Variants in NCOA3 observed in about 807,000 individuals in gnomAD.
NCOA3 encodes nuclear receptor coactivator 3, also known as CBP-interacting protein.
Under a neutral mutation model 158.8 loss-of-function variants are expected in NCOA3, and 51 were observed. The observed-to-expected ratio is 0.32, with a 90% CI of 0.26 to 0.41. The LOEUF (loss-of-function observed/expected upper bound fraction) is 0.41, where lower values mean the gene tolerates loss of function less well. Among genes scored for constraint, NCOA3 ranks in the 10% least tolerant of loss-of-function variants. NCOA3 has a pLI of 1.00. For missense variants in NCOA3, 1,510 were observed against 1,746.6 expected (o/e 0.86, Z 2.41); for synonymous variants, 537 against 592.4 (o/e 0.91, Z 1.36).
chr20:47,507,029 C>T (rs1276087078), intron 1 of NCOA3, among the ~76,000 whole-genome samples: 1 of 152,150 alleles, frequency 6.6e-6, no homozygotes, highest in Non-Finnish European at 1.5e-5. Flanking sequence ...AATCTGCTTC[C>T]TGGGGCTTTG....
At chr20:47,512,027 A>T (rs2084150292) in intron 1 of NCOA3, among the ~76,000 whole-genome samples, 2 of 152,162 alleles carry the variant, frequency 1.3e-5, no homozygotes, top group African/African-American at 4.8e-5. Flanking sequence ...AAATTAAAAA[A>T]AATCAGGCTG....
intron 2 of NCOA3, among the ~76,000 whole-genome samples, chr20:47,604,876 A>AT (rs1166812490): frequency 2.0e-5 from 3 of 151,660 alleles, no homozygotes; most frequent in Admixed American, 1.3e-4. Context: ...ATTTTTATTT[A>AT]TTTTTTTTGA....
At chr20:47,641,888 G>A (rs2086617737) in intron 16 of NCOA3, among the ~76,000 whole-genome samples, 1 of 151,980 alleles carries the variant, frequency 6.6e-6, no homozygotes, top group African/African-American at 2.4e-5. Context: ...TTTGTGAGGA[G>A]TATCTTCTCC....
intron 2 of NCOA3, among the ~76,000 whole-genome samples, chr20:47,587,464 C>T (rs993098113): frequency 2.6e-5 from 4 of 152,208 alleles, no homozygotes; most frequent in African/African-American, 9.7e-5. Flanking sequence ...CTCATACAGT[C>T]ATCCCTTCGT....
rs1444998180 is a variant in NCOA3, at chr20:47,565,133, C to T, written c.-98-18050C>T. 2.6e-5 allele frequency among the ~76,000 whole-genome samples: 4 copies of T among 152,144 alleles called. No homozygotes were observed. The East Asian group carries it at 5.8e-4, about 22-fold the overall frequency. ...AGTAGCTGGGATTACAGGCATGTGCCACCATGCCTGGCTAATTTTGTATTT... is the reference window on the plus strand; with the variant it reads ...AGTAGCTGGGATTACAGGCATGTGCTACCATGCCTGGCTAATTTTGTATTT... On this transcript the variant is annotated intron_variant, in intron 1 of 22. Transcript: ENST00000371998.
intron 1 of NCOA3, among the ~76,000 whole-genome samples, chr20:47,521,772 T>C (rs1297618378): frequency 6.6e-6 from 1 of 152,218 alleles, no homozygotes; most frequent in Non-Finnish European, 1.5e-5. Flanking sequence ...TTAGAACTCA[T>C]ATCCAACACT....
intron 2 of NCOA3, among the ~76,000 whole-genome samples, chr20:47,583,995 T>C (rs1252203692): frequency 6.6e-6 from 1 of 152,030 alleles, no homozygotes; most frequent in Non-Finnish European, 1.5e-5. Flanking sequence ...GAGAAAATTT[T>C]AAGGAGGCTG....
At chr20:47,561,647 G>A (rs6018545) in intron 1 of NCOA3, among the ~76,000 whole-genome samples, 3 of 152,060 alleles carry the variant, frequency 2.0e-5, no homozygotes, top group African/African-American at 7.2e-5. Flanking sequence ...AGCAGTTTAA[G>A]GTTATAGGAA....
intron 1 of NCOA3, among the ~76,000 whole-genome samples, chr20:47,578,555 T>C (rs2085406825): frequency 6.6e-6 from 1 of 152,252 alleles, no homozygotes; most frequent in African/African-American, 2.4e-5. Context: ...TCATTATAGC[T>C]ACAGATTAGC....
In NCOA3 at chr20:47,600,110, TTGTG is replaced by T. The variant is rs11472351; in HGVS notation, c.-20+16881_-20+16884del. Among the ~76,000 whole-genome samples the T allele has an allele frequency of 8.9e-3, 1,274 of 143,056 alleles. 5 individuals carry two copies. Among genetic ancestry groups the T allele is most frequent in the Non-Finnish European group, 0.012 (816 of 65,814 alleles). The allele number at this position is 143,056 out of a possible 152,430, so 93.9% of individuals were successfully genotyped here. Reference sequence around the variant, plus strand: ...CTGATGGCTAATTCTCTCACTTCCTTTGTGTGTGTGTGTGTGTGTGTGTGTGTGT... The same window carrying T: ...CTGATGGCTAATTCTCTCACTTCCTTTGTGTGTGTGTGTGTGTGTGTGTGT... On this transcript the variant is annotated intron_variant, in intron 2 of 22. Coordinates refer to ENST00000371998, the MANE Select transcript of NCOA3 (RefSeq NM_181659.3).
intron 19 of NCOA3, 52 bp from the exon 20 acceptor site, chr20:47,650,930 A>C: frequency 6.5e-7 from 1 of 1,542,746 alleles, no homozygotes; most frequent in Non-Finnish European, 8.9e-7. Flanking sequence ...TATGTATGCA[A>C]CTGGCAGGTT....
At chr20:47,519,147 A>ATGATATTTTTAGTTTTG in intron 1 of NCOA3, among the ~76,000 whole-genome samples, 1 of 147,694 alleles carries the variant, frequency 6.8e-6, no homozygotes, top group Non-Finnish European at 1.5e-5. Context: ...AAAAAAAAAA[A>ATGATATTTTTAGTTTTG]GAAAAAGCCA....
At chr20:47,637,531 T>C (rs2086535193) in intron 12 of NCOA3, 117 bp from the exon 13 acceptor site, 2 of 741,800 alleles carry the variant, frequency 2.7e-6, no homozygotes, top group African/African-American at 3.6e-5. Flanking sequence ...ATTATCATTG[T>C]AGGTAGTTTT....
At chr20:47,545,829 C>A (rs1331148568) in intron 1 of NCOA3, among the ~76,000 whole-genome samples, 3 of 152,004 alleles carry the variant, frequency 2.0e-5, no homozygotes, top group African/African-American at 7.2e-5. Context: ...ATCCTCCTGC[C>A]TCAGCATCCT....
chr20:47,572,125 A>T (rs1963361558), intron 1 of NCOA3, among the ~76,000 whole-genome samples: 1 of 152,124 alleles, frequency 6.6e-6, no homozygotes, highest in African/African-American at 2.4e-5. Context: ...CTCAGCCCTC[A>T]TAGAATTGAA....
At chr20:47,532,110 TTGTGTGTG>T (rs11474538) in intron 1 of NCOA3, among the ~76,000 whole-genome samples, 2 of 147,402 alleles carry the variant, frequency 1.4e-5, no homozygotes, top group East Asian at 2.0e-4. Context: ...AGGGGGGGAC[TTGTGTGTG>T]TGTGTGTGTG....
rs1347013892 is a variant in NCOA3, at chr20:47,656,853, A to G, written c.*3436A>G. Reference sequence around the variant, plus strand: ...CTGACCATTTTGGATGTCATTGTAAATAAAGGTTTCTATTTAAAATTGGAG... The same window carrying G: ...CTGACCATTTTGGATGTCATTGTAAGTAAAGGTTTCTATTTAAAATTGGAG... On this transcript the variant is annotated 3_prime_UTR_variant, in exon 23 of 23. Coordinates refer to ENST00000371998, the MANE Select transcript of NCOA3 (RefSeq NM_181659.3). 6.7e-6 allele frequency: 1 copy of G among 150,182 alleles called. No individual in the cohort carries two copies. Among genetic ancestry groups the G allele is most frequent in the African/African-American group, 2.5e-5 (1 of 39,968 alleles). 9.3% of individuals were successfully genotyped at this position (150,182 alleles called of 1,614,324 possible).
chr20:47,580,945 A>T (rs1367263407), intron 1 of NCOA3, among the ~76,000 whole-genome samples: 1 of 152,102 alleles, frequency 6.6e-6, no homozygotes, highest in Non-Finnish European at 1.5e-5. Flanking sequence ...TACAAAAAAT[A>T]TAAAAATTAG....
Position 47,636,605 on chromosome 20 carries a change from A to G in NCOA3, c.2219A>G (p.Tyr740Cys), listed in dbSNP as rs780992832. The change falls in exon 12 of 23, where the codon TAC becomes TGC. Residue 740 changes from tyrosine to cysteine, a missense_variant. This residue lies in a region of NCOA3 where 1,017 missense variants were observed against 1,098.3 expected (regional missense o/e 0.93). Transcript: ENST00000371998. ...AAGGAGAATAATGCACTTCTTAGATACCTGCTGGACAGGGATGATCCTAGT... is the reference window on the plus strand; with the variant it reads ...AAGGAGAATAATGCACTTCTTAGATGCCTGCTGGACAGGGATGATCCTAGT... ...KKKENNALLR[Y>C]LLDRDDPSDA... 1.2e-6 allele frequency: 2 copies of G among 1,614,058 alleles called. No individual in the cohort carries two copies. The highest frequency in any genetic ancestry group is 1.7e-5 in the Admixed American group (1 of 60,006).
Sources: allele counts gnomAD v4.1 joint callset (sites outside exome capture counted in the v4.1 genomes callset), GRCh38; gene constraint gnomAD v4.1.1; regional missense constraint gnomAD v4.1.1; transcripts MANE v1.5; gene names NCBI Gene and HGNC (gene_info 2026-07-23, HGNC 2026-07-21).